TAFA1: variants seen among roughly 807,000 people sequenced by gnomAD.
TAFA1 encodes chemokine-like protein TAFA-1.
In TAFA1, 4 loss-of-function variants were observed where a neutral mutation model predicts 18.5. That is an observed-to-expected ratio of 0.22 (90% CI 0.11 to 0.49). TAFA1 has a LOEUF of 0.49. TAFA1 is among the 20% of genes least tolerant of loss of function. The pLI is 0.98. For synonymous variants in TAFA1, 56 were observed against 55.2 expected, an observed-to-expected ratio of 1.01 and a Z score of -0.06; for missense variants, 147 against 169.0, an observed-to-expected ratio of 0.87 and a Z score of 0.72.
At chr3:68,131,020 T>C (rs946477876) in intron 2 of TAFA1, among the ~76,000 whole-genome samples, 2 of 152,190 alleles carry the variant, frequency 1.3e-5, no homozygotes, top group Non-Finnish European at 2.9e-5. Flanking sequence ...TTTTTCGACT[T>C]CACCATTTCA....
intron 2 of TAFA1, among the ~76,000 whole-genome samples, chr3:68,391,509 A>G (rs956129227): frequency 3.3e-5 from 5 of 152,210 alleles, no homozygotes; most frequent in Non-Finnish European, 2.9e-5. Context: ...AATGCAGAGA[A>G]CACCACAAAG....
At chr3:68,036,429 ACT>A (rs1241239572) in intron 2 of TAFA1, among the ~76,000 whole-genome samples, 1 of 106,498 alleles carries the variant, frequency 9.4e-6, no homozygotes, top group Non-Finnish European at 2.0e-5. Context: ...ACAGAGTGAG[ACT>A]CTGTCAAAAA....
chr3:68,386,237 C>T (rs1335093355), intron 2 of TAFA1, among the ~76,000 whole-genome samples: 1 of 152,172 alleles, frequency 6.6e-6, no homozygotes, highest in Non-Finnish European at 1.5e-5. Context: ...AGATTTACCA[C>T]TTAAAATGTC....
chr3:68,307,821 G>A (rs1252009542), intron 2 of TAFA1, among the ~76,000 whole-genome samples: 3 of 152,132 alleles, frequency 2.0e-5, no homozygotes, highest in African/African-American at 4.8e-5. Flanking sequence ...ATGTGAGAAG[G>A]TGAGCTGAGG....
chr3:68,191,355 C>G (rs1016571833), intron 2 of TAFA1, among the ~76,000 whole-genome samples: 4 of 151,766 alleles, frequency 2.6e-5, no homozygotes, highest in African/African-American at 9.7e-5. Flanking sequence ...TAGGACTATT[C>G]AGCATGGCGG....
At chr3:68,434,776 G>A (rs1559668649) in intron 3 of TAFA1, among the ~76,000 whole-genome samples, 1 of 152,086 alleles carries the variant, frequency 6.6e-6, no homozygotes, top group African/African-American at 2.4e-5. Flanking sequence ...AACACCATGT[G>A]TCTAAAACTA....
intron 2 of TAFA1, among the ~76,000 whole-genome samples, chr3:68,063,702 A>C (rs761792627): frequency 6.6e-6 from 1 of 152,218 alleles, no homozygotes; most frequent in Non-Finnish European, 1.5e-5. Context: ...ACCTGCAGTC[A>C]GATTATGTTC....
intron 2 of TAFA1, among the ~76,000 whole-genome samples, chr3:68,204,305 C>T (rs908159827): frequency 1.3e-5 from 2 of 151,816 alleles, no homozygotes; most frequent in African/African-American, 4.8e-5. Flanking sequence ...TTCTACTCTC[C>T]TTTGGGCTGG....
chr3:68,345,667 G>T (rs577898985), intron 2 of TAFA1, among the ~76,000 whole-genome samples: 4 of 152,198 alleles, frequency 2.6e-5, no homozygotes, highest in Admixed American at 6.5e-5. Flanking sequence ...CTTTGCTATT[G>T]CCTGGAAAAC....
At chr3:68,232,840 G>C (rs760091112) in intron 2 of TAFA1, among the ~76,000 whole-genome samples, 1 of 152,132 alleles carries the variant, frequency 6.6e-6, no homozygotes, top group Non-Finnish European at 1.5e-5. Flanking sequence ...CTGGTCTTGA[G>C]TGATCCTCTC....
At chr3:68,080,686 G>A (rs1240608538) in intron 2 of TAFA1, among the ~76,000 whole-genome samples, 3 of 152,206 alleles carry the variant, frequency 2.0e-5, no homozygotes, top group Non-Finnish European at 4.4e-5. Context: ...GAGATCTGCT[G>A]TTAGTCTGAT....
At chr3:68,166,908 A>G (rs1252288000) in intron 2 of TAFA1, among the ~76,000 whole-genome samples, 1 of 152,160 alleles carries the variant, frequency 6.6e-6, no homozygotes, top group African/African-American at 2.4e-5. Flanking sequence ...TGCAGTAAAT[A>G]TCTTCTGAAT....
intron 2 of TAFA1, among the ~76,000 whole-genome samples, chr3:68,297,659 T>C (rs1226731826): frequency 6.6e-6 from 1 of 152,224 alleles, no homozygotes; most frequent in Non-Finnish European, 1.5e-5. Context: ...TTGGTCATTT[T>C]TGAAAATTAT....
intron 2 of TAFA1, among the ~76,000 whole-genome samples, chr3:68,035,017 C>A (rs1406947784): frequency 6.6e-6 from 1 of 152,168 alleles, no homozygotes; most frequent in Non-Finnish European, 1.5e-5. Flanking sequence ...CCAATATTTA[C>A]AGATAGGGCT....
At chr3:68,187,851 G>T (rs1447429627) in intron 2 of TAFA1, among the ~76,000 whole-genome samples, 2 of 151,840 alleles carry the variant, frequency 1.3e-5, no homozygotes, top group African/African-American at 4.8e-5. Flanking sequence ...TTTAATTTTG[G>T]CCATTTTAGT....
chr3:68,416,333 A>T (rs73103110), intron 2 of TAFA1, among the ~76,000 whole-genome samples: 22,135 of 152,094 alleles, frequency 0.15, 2,127 homozygotes, highest in East Asian at 0.34. Context: ...ATAGTTTATC[A>T]CACAGTAATT....
At chr3:68,123,726 G>T (rs779510202) in intron 2 of TAFA1, among the ~76,000 whole-genome samples, 8 of 151,958 alleles carry the variant, frequency 5.3e-5, no homozygotes, top group Non-Finnish European at 1.2e-4. Flanking sequence ...CTAAATCCAC[G>T]TGATTGTTCA....
At chr3:68,228,806 A>G (rs1041393800) in intron 2 of TAFA1, among the ~76,000 whole-genome samples, 1 of 152,220 alleles carries the variant, frequency 6.6e-6, no homozygotes, top group Non-Finnish European at 1.5e-5. Flanking sequence ...CTGGTGTTGA[A>G]CTTGCAAGTG....
At chr3:68,465,772 T>C (rs958903670) in intron 3 of TAFA1, among the ~76,000 whole-genome samples, 5 of 152,178 alleles carry the variant, frequency 3.3e-5, no homozygotes, top group South Asian at 4.1e-4. Flanking sequence ...ATTCTACTTA[T>C]ATCCATTTGC....
Sources: gnomAD v4.1 joint callset for allele counts (sites outside exome capture counted in the v4.1 genomes callset) on GRCh38, gnomAD v4.1.1 for gene constraint, MANE v1.5 for transcripts, NCBI Gene and HGNC (gene_info 2026-07-23, HGNC 2026-07-21) for gene names.